Variants in CCDC77 observed in about 807,000 individuals in gnomAD.
The protein encoded by CCDC77 is coiled-coil domain containing 77, also known as coiled-coil domain-containing protein 77.
A neutral mutation model predicts 66.8 loss-of-function variants in CCDC77; 56 were observed. The observed-to-expected ratio is 0.84, with a 90% confidence interval of 0.68 to 1.05. The LOEUF is 1.05. Ranked by LOEUF, CCDC77 falls within the 50% of genes least tolerant of loss-of-function variation. The probability of loss-of-function intolerance (pLI) is 0.00; values close to 1 mark genes in which losing one functional copy is unlikely to be tolerated. For missense variants in CCDC77, 570 were observed against 576.8 expected (o/e 0.99, Z 0.12); for synonymous variants, 196 against 195.2 (o/e 1.00, Z -0.03).
intron 5 of CCDC77, chr12:418,861 G>C: frequency 2.2e-6 from 1 of 461,400 alleles, no homozygotes; most frequent in Non-Finnish European, 3.9e-6. Flanking sequence ...ACAAGGCCTA[G>C]CTCATTTTTG....
At chr12:441,745 CTTTTTT>C in intron 12 of CCDC77, 23 bp from the exon 13 acceptor site, 11 of 1,440,794 alleles carry the variant, frequency 7.6e-6, no homozygotes, top group South Asian at 2.6e-5. Flanking sequence ...ATCATCATTT[CTTTTTT>C]TTTTTTTTTT....
At chr12:435,130 T>C (rs1945726072) in intron 9 of CCDC77, among the ~76,000 whole-genome samples, 1 of 137,872 alleles carries the variant, frequency 7.3e-6, no homozygotes, top group Non-Finnish European at 1.6e-5. Flanking sequence ...TTTCTGTTTT[T>C]CATCTAGTTT....
At chr12:417,518 C>T (rs968028261) in intron 4 of CCDC77, among the ~76,000 whole-genome samples, 7 of 152,198 alleles carry the variant, frequency 4.6e-5, no homozygotes, top group Admixed American at 1.3e-4. Context: ...ATTTGCCTCT[C>T]TCCCCATGAA....
chr12:412,839 CCTT>C (rs1304669986), intron 4 of CCDC77, among the ~76,000 whole-genome samples: 8 of 152,192 alleles, frequency 5.3e-5, no homozygotes, highest in Admixed American at 1.3e-4. Flanking sequence ...GCCTGCAACC[CCTT>C]CTTAGCCCTC....
Position 442,103 on chromosome 12 carries a change from T to C in CCDC77, c.*183T>C, listed in dbSNP as rs1945868306. On this transcript the variant is annotated 3_prime_UTR_variant, in exon 13 of 13. Coordinates refer to ENST00000239830, the MANE Select transcript of CCDC77 (RefSeq NM_032358.4). ...GCTTTTCTTGCATACTCAGCTTGCTTTATCATTTTTGCTGTCCTTTTAACA... is the reference window on the plus strand; with the variant it reads ...GCTTTTCTTGCATACTCAGCTTGCTCTATCATTTTTGCTGTCCTTTTAACA... 1 of 636,134 alleles carries C rather than the reference T, an allele frequency of 1.6e-6. No homozygotes were observed. The highest frequency in any genetic ancestry group is 2.1e-5 in the South Asian group (1 of 47,316). 39.4% of individuals were successfully genotyped at this position (636,134 alleles called of 1,614,324 possible).
chr12:406,012 G>A (rs566817606), intron 2 of CCDC77, among the ~76,000 whole-genome samples: 2 of 151,356 alleles, frequency 1.3e-5, no homozygotes, highest in Admixed American at 6.6e-5. Flanking sequence ...TTGATCCCCC[G>A]GTGCAGGCGA....
chr12:405,138 G>A (rs1050606695), intron 1 of CCDC77, among the ~76,000 whole-genome samples: 1 of 152,180 alleles, frequency 6.6e-6, no homozygotes, highest in Admixed American at 6.5e-5. Context: ...CTGATACATG[G>A]TACCACATAG....
At chr12:423,063 TCTCCACATCCTTGACAATAC>T (rs1391114549) in intron 5 of CCDC77, among the ~76,000 whole-genome samples, 5 of 151,524 alleles carry the variant, frequency 3.3e-5, no homozygotes, top group African/African-American at 1.2e-4. Context: ...GGTTTCAGTT[TCTCCACATCCTTGACAATAC>T]CTGTTATTTT....
chr12:418,461 T>C, intron 4 of CCDC77, 33 bp from the exon 5 acceptor site: 5 of 1,604,686 alleles, frequency 3.1e-6, no homozygotes, highest in Non-Finnish European at 4.3e-6. Flanking sequence ...AAACCCAGTG[T>C]CTTTCAACTA....
intron 1 of CCDC77, chr12:390,164 C>A (rs969977823): frequency 3.5e-5 from 5 of 143,904 alleles, no homozygotes; most frequent in Admixed American, 1.4e-4. Flanking sequence ...AATCCTAATT[C>A]TTTCTGCTCT....
chr12:390,119 G>A (rs1490857976), intron 1 of CCDC77: 135 of 20,570 alleles, frequency 6.6e-3, no homozygotes, highest in Admixed American at 0.014. Flanking sequence ...AGTTGCCTGA[G>A]CAAAAAAAAA....
chr12:395,693 A>C (rs1177849892), intron 1 of CCDC77, among the ~76,000 whole-genome samples: 1 of 152,192 alleles, frequency 6.6e-6, no homozygotes, highest in Admixed American at 6.5e-5. Context: ...CAGGAGTTCG[A>C]CACCAGAGTG....
chr12:423,891 T>C (rs1429691085), intron 5 of CCDC77, among the ~76,000 whole-genome samples: 1 of 152,230 alleles, frequency 6.6e-6, no homozygotes, highest in Non-Finnish European at 1.5e-5. Context: ...AGCATCTTTC[T>C]TGTGCCATTT....
intron 1 of CCDC77, among the ~76,000 whole-genome samples, chr12:393,537 CT>C (rs34776919): frequency 0.7 from 101,588 of 144,132 alleles, 35,399 homozygotes; most frequent in East Asian, 0.83. Flanking sequence ...CAATCTTGTC[CT>C]TTTTTTTTTT....
intron 1 of CCDC77, among the ~76,000 whole-genome samples, chr12:403,261 C>T (rs1253690887): frequency 6.6e-6 from 1 of 152,092 alleles, no homozygotes. Context: ...AACCTCTGAG[C>T]CAAGGGAGTA....
intron 1 of CCDC77, chr12:389,571 C>CGAGGCGGGGCGAGGCGGGGCTAGGCGG: frequency 4.5e-6 from 1 of 223,110 alleles, no homozygotes; most frequent in Non-Finnish European, 9.2e-6. Context: ...GGGCGAGGCG[C>CGAGGCGGGGCGAGGCGGGGCTAGGCGG]AACGAGGCGG....
intron 2 of CCDC77, 100 bp from the exon 3 acceptor site, chr12:409,268 A>G: frequency 1.2e-6 from 1 of 813,924 alleles, no homozygotes; most frequent in East Asian, 2.5e-5. Context: ...CTTTCCAAGA[A>G]GCAAATATGA....
chr12:426,882 A>C (rs1016925272), intron 5 of CCDC77, among the ~76,000 whole-genome samples: 7 of 152,100 alleles, frequency 4.6e-5, no homozygotes, highest in Non-Finnish European at 1.0e-4. Context: ...GTGGGGAATC[A>C]TTACCATGAA....
At chr12:418,469 C>T in intron 4 of CCDC77, 25 bp from the exon 5 acceptor site, 1 of 1,612,088 alleles carries the variant, frequency 6.2e-7, no homozygotes, top group Non-Finnish European at 8.5e-7. Context: ...TGTCTTTCAA[C>T]TATCTTATTG....
Sources: allele counts gnomAD v4.1 joint callset (sites outside exome capture counted in the v4.1 genomes callset), GRCh38; gene constraint gnomAD v4.1.1; transcripts MANE v1.5; gene names NCBI Gene and HGNC (gene_info 2026-07-23, HGNC 2026-07-21).